Variants in AGO4 observed in about 807,000 individuals in gnomAD.
AGO4 encodes the protein protein argonaute-4.
Under a neutral mutation model 104.7 loss-of-function variants are expected in AGO4, and 33 were observed. The ratio of observed to expected loss-of-function variants is 0.32; its 90% CI spans 0.24 to 0.42. The LOEUF is 0.42. Among genes scored for constraint, AGO4 ranks in the 10% least tolerant of loss-of-function variants. The pLI is 1.00. For synonymous variants in AGO4, 331 were observed against 364.7 expected (o/e 0.91, Z 1.05); for missense variants, 711 against 1,083.4 (o/e 0.66, Z 4.83).
chr1:35,837,559 T>TTATA (rs1175986628), intron 13 of AGO4, among the ~76,000 whole-genome samples: 1 of 151,998 alleles, frequency 6.6e-6, no homozygotes, highest in Admixed American at 6.6e-5. Flanking sequence ...TTTTTATTTT[T>TTATA]TATAGAGACA....
chr1:35,823,032 A>C (rs764890233), intron 3 of AGO4, 50 bp downstream of exon 3: 2 of 1,581,760 alleles, frequency 1.3e-6, no homozygotes, highest in Non-Finnish European at 1.7e-6. Context: ...GTAATTATAC[A>C]TGACAAAAAT....
Position 35,841,410 on chromosome 1 carries a change from A to G in AGO4, c.1970A>G (p.Lys657Arg), listed in dbSNP as rs1644438816. 1.2e-6 allele frequency: 2 copies of G among 1,614,160 alleles called. No individual in the cohort carries two copies. The highest frequency in any genetic ancestry group is 1.6e-4 in the Middle Eastern group (1 of 6,062). Residue 657 changes from lysine (K) to arginine (R), a missense_variant, in exon 14 of 18, where the codon AAA becomes AGA. Transcript: ENST00000373210. The surrounding 1 kb of genome is among the most constrained non-coding windows in gnomAD (Gnocchi z 4.7). ...MVRELLIQFY[K>R]STRFKPTRII... ...CGAGAGCTGCTGATTCAGTTCTACA[A>G]ATCCACACGCTTCAAACCCACTCGG...
Position 35,832,417 on chromosome 1 carries a change from T to C in AGO4, c.1246-20T>C. Reference sequence around the variant, plus strand: ...TTTTGTTTCTTCTTCTTCTTCTTCTTCTTTTTTTTTTTTTCAAAGAATAAA... The same window carrying C: ...TTTTGTTTCTTCTTCTTCTTCTTCTCCTTTTTTTTTTTTTCAAAGAATAAA... On this transcript the variant is annotated intron_variant, in intron 10 of 17. Coordinates refer to ENST00000373210, the MANE Select transcript of AGO4 (RefSeq NM_017629.4). 7.5e-7 allele frequency: 1 copy of C among 1,333,040 alleles called. No individual in the cohort carries two copies. Among genetic ancestry groups the C allele is most frequent in the South Asian group, 1.4e-5 (1 of 71,618 alleles). 82.6% of individuals were successfully genotyped at this position (1,333,040 alleles called of 1,614,324 possible).
Position 35,841,849 on chromosome 1 carries a change from A to G in AGO4, c.2175+99A>G. 2 of 862,818 alleles carry G rather than the reference A, an allele frequency of 2.3e-6. No homozygotes were observed. Among genetic ancestry groups the G allele is most frequent in the Admixed American group, 9.4e-5 (2 of 21,172 alleles). The allele number at this position is 862,818 out of a possible 1,614,324, so 53.4% of individuals were successfully genotyped here. ...ATATATATATATATACACCATTTTTATACAATTTTTTTCTTAAAAGCAGAA... is the reference window on the plus strand; with the variant it reads ...ATATATATATATATACACCATTTTTGTACAATTTTTTTCTTAAAAGCAGAA... On this transcript the variant is annotated intron_variant, in intron 15 of 17. Transcript: ENST00000373210. The surrounding 1 kb of genome is among the most constrained non-coding windows in gnomAD (Gnocchi z 4.7).
Position 35,841,379 on chromosome 1 carries a change from A to G in AGO4, c.1939A>G (p.Met647Val). Residue 647 changes from methionine (M) to valine (V), a missense_variant, in exon 14 of 18, where the codon ATG becomes GTG. Transcript: ENST00000373210. This position sits in a 1 kb window ranked among gnomAD's most constrained non-coding sequence, Gnocchi z 4.7. ...AGAGGTCATCCAGGACCTGACTAACATGGTTCGAGAGCTGCTGATTCAGTT... is the reference window on the plus strand; with the variant it reads ...AGAGGTCATCCAGGACCTGACTAACGTGGTTCGAGAGCTGCTGATTCAGTT... Reference protein sequence around the residue: ...SQEVIQDLTNMVRELLIQFYK... With the variant: ...SQEVIQDLTNVVRELLIQFYK... 1.2e-6 allele frequency: 2 copies of G among 1,614,170 alleles called. No individual in the cohort carries two copies. Among genetic ancestry groups the G allele is most frequent in the Non-Finnish European group, 8.5e-7 (1 of 1,180,020 alleles).
At chr1:35,813,287 T>C (rs1318786266) in intron 1 of AGO4, among the ~76,000 whole-genome samples, 1 of 151,874 alleles carries the variant, frequency 6.6e-6, no homozygotes, top group Non-Finnish European at 1.5e-5. Context: ...CATGCGCCTG[T>C]AGTCCCAGCT....
intron 7 of AGO4, among the ~76,000 whole-genome samples, chr1:35,829,840 TAAA>T (rs752406279): frequency 0.025 from 1,561 of 62,104 alleles, 40 homozygotes; most frequent in African/African-American, 0.091. Context: ...GACTACATCT[TAAA>T]AAAAAAAAAA....
chr1:35,842,938 C>T lies in AGO4; in HGVS notation c.2175+1188C>T, dbSNP rs111427207. On this transcript the variant is annotated intron_variant, in intron 15 of 17. Coordinates refer to ENST00000373210, the MANE Select transcript of AGO4 (RefSeq NM_017629.4). Reference sequence around the variant, plus strand: ...ATGACTTTACTTCATCTTGTCCAGGCCCTCTCTGATCCACCCCTAGGAAGA... The same window carrying T: ...ATGACTTTACTTCATCTTGTCCAGGTCCTCTCTGATCCACCCCTAGGAAGA... 8.5e-5 allele frequency among the ~76,000 whole-genome samples: 13 copies of T among 152,242 alleles called. 2 individuals carry two copies. The highest frequency in any genetic ancestry group is 2.9e-4 in the African/African-American group (12 of 41,538).
intron 15 of AGO4, among the ~76,000 whole-genome samples, chr1:35,842,002 G>A (rs1376595008): frequency 3.9e-5 from 6 of 151,956 alleles, no homozygotes; most frequent in East Asian, 1.9e-4. Context: ...TTTTTGTGTC[G>A]GGGGGAGTAG....
intron 1 of AGO4, among the ~76,000 whole-genome samples, chr1:35,809,294 C>A (rs966221509): frequency 6.6e-6 from 1 of 152,234 alleles, no homozygotes; most frequent in African/African-American, 2.4e-5. Flanking sequence ...GGTGCTTCCA[C>A]CTCAAAGCCC....
rs140974452 is a variant in AGO4, at chr1:35,841,418, C to A, written c.1978C>A (p.Arg660Ser). 4 of 1,614,158 alleles carry A rather than the reference C, an allele frequency of 2.5e-6. No individual in the cohort carries two copies. In the South Asian group the frequency reaches 4.4e-5, roughly 18 times the overall value. The change falls in exon 14 of 18, where the codon CGC becomes AGC. Residue 660 changes from arginine to serine, a missense_variant. Physicochemically the swap from Arg to Ser is moderately radical, Grantham distance 110 (BLOSUM62 -1). This residue lies in a region of AGO4 where 401 missense variants were observed against 665.5 expected (regional missense o/e 0.60). Transcript: ENST00000373210. The surrounding 1 kb of genome is among the most constrained non-coding windows in gnomAD (Gnocchi z 4.7). ...ELLIQFYKSTRFKPTRIIYYR... is the reference protein window; with the variant it reads ...ELLIQFYKSTSFKPTRIIYYR... ...GCTGATTCAGTTCTACAAATCCACACGCTTCAAACCCACTCGGATCATCTA... is the reference window on the plus strand; with the variant it reads ...GCTGATTCAGTTCTACAAATCCACAAGCTTCAAACCCACTCGGATCATCTA...
intron 2 of AGO4, among the ~76,000 whole-genome samples, chr1:35,818,658 A>AAAGAAAGAAAGAAAGCAAGG (rs1553144552): frequency 1.6e-5 from 1 of 61,512 alleles, no homozygotes; most frequent in Non-Finnish European, 4.1e-5. Context: ...AGAAAGAAAG[A>AAAGAAAGAAAGAAAGCAAGG]AAGGAAGAAA....
rs535156829 is a variant in AGO4, at chr1:35,829,809, C to T, written c.849-1618C>T. On this transcript the variant is annotated intron_variant, in intron 7 of 17. Coordinates refer to ENST00000373210, the MANE Select transcript of AGO4 (RefSeq NM_017629.4). ...GGTTGCAGTGAGCCGAGATTGCACTCTAGCCTGGGCAACAGAGTGAGACTA... is the reference window on the plus strand; with the variant it reads ...GGTTGCAGTGAGCCGAGATTGCACTTTAGCCTGGGCAACAGAGTGAGACTA... Among the ~76,000 whole-genome samples the T allele has an allele frequency of 7.4e-3, 972 of 130,712 alleles. 15 individuals are homozygous for T. Among genetic ancestry groups the T allele is most frequent in the African/African-American group, 0.024 (855 of 36,004 alleles). The allele number at this position is 130,712 out of a possible 152,430, so 85.8% of individuals were successfully genotyped here. A position where few individuals can be genotyped will look rare whatever the true frequency, so the allele number is the denominator to read the frequency against.
intron 7 of AGO4, 63 bp from the exon 8 acceptor site, chr1:35,831,364 A>G: frequency 8.5e-6 from 13 of 1,534,708 alleles, no homozygotes; most frequent in Non-Finnish European, 1.1e-5. Context: ...AAAAAAGAAA[A>G]AAGAAAAAGA....
Position 35,841,041 on chromosome 1 carries a change from T to C in AGO4, c.1725-124T>C. On this transcript the variant is annotated intron_variant, in intron 13 of 17. Transcript: ENST00000373210. This position sits in a 1 kb window ranked among gnomAD's most constrained non-coding sequence, Gnocchi z 4.7. ...AGTGGTCCGTAGTGTTCTTTCCCAA[T>C]GGGCTTAAGTCTTTGTTCTCTCTTA... 3 of 1,027,766 alleles carry C rather than the reference T, an allele frequency of 2.9e-6. No homozygotes were observed. Among genetic ancestry groups the C allele is most frequent in the Non-Finnish European group, 4.2e-6 (3 of 708,264 alleles). The allele number at this position is 1,027,766 out of a possible 1,614,324, so 63.7% of individuals were successfully genotyped here.
intron 13 of AGO4, among the ~76,000 whole-genome samples, chr1:35,837,376 G>C (rs909372306): frequency 1.3e-5 from 2 of 150,858 alleles, no homozygotes; most frequent in African/African-American, 2.4e-5. Flanking sequence ...GAGCCACCGC[G>C]CCTGGCCTGT....
rs74607403 is a variant in AGO4, at chr1:35,856,022, T to G, written c.*2417T>G. 2.0e-5 allele frequency: 3 copies of G among 152,294 alleles called. No individual in the cohort carries two copies. The highest frequency in any genetic ancestry group is 1.3e-4 in the Admixed American group (2 of 15,280). 9.4% of individuals were successfully genotyped at this position (152,294 alleles called of 1,614,324 possible). Reference sequence around the variant, plus strand: ...AGGCTATGTTCCCGAAAGCCCTGATTAGCTTGTCTTGCTCTACGCTCGACC... The same window carrying G: ...AGGCTATGTTCCCGAAAGCCCTGATGAGCTTGTCTTGCTCTACGCTCGACC... On this transcript the variant is annotated 3_prime_UTR_variant, in exon 18 of 18. Coordinates refer to ENST00000373210, the MANE Select transcript of AGO4 (RefSeq NM_017629.4).
At chr1:35,821,606 CTTGATTGAGAAAAAGACT>C (rs959349863) in intron 2 of AGO4, among the ~76,000 whole-genome samples, 1 of 152,110 alleles carries the variant, frequency 6.6e-6, no homozygotes, top group African/African-American at 2.4e-5. Flanking sequence ...GTTCTGCATG[CTTGATTGAGAAAAAGACT>C]TTTATTCTAA....
intron 1 of AGO4, among the ~76,000 whole-genome samples, chr1:35,813,547 A>G (rs537789317): frequency 6.6e-6 from 1 of 151,968 alleles, no homozygotes; most frequent in South Asian, 2.1e-4. Context: ...GCTTGACCCC[A>G]GGAGTTCAAG....
Sources: allele counts gnomAD v4.1 joint callset (sites outside exome capture counted in the v4.1 genomes callset), GRCh38; gene constraint gnomAD v4.1.1; regional missense constraint gnomAD v4.1.1; non-coding constraint Gnocchi (gnomAD v3.1); transcripts MANE v1.5; gene names NCBI Gene and HGNC (gene_info 2026-07-23, HGNC 2026-07-21).